The following KIAA0825 variants were observed in gnomAD, a reference collection of about 807,000 sequenced individuals.
The protein encoded by KIAA0825 is uncharacterized protein KIAA0825.
A neutral mutation model predicts 147.6 loss-of-function variants in KIAA0825; 119 were observed. The observed-to-expected ratio is 0.81, with a 90% CI of 0.69 to 0.94. The LOEUF is 0.94. Among genes scored for constraint, KIAA0825 ranks in the 40% least tolerant of loss-of-function variants. KIAA0825 has a pLI of 0.00. For synonymous variants in KIAA0825, 470 were observed against 518.1 expected (o/e 0.91, Z 1.26); for missense variants, 1,381 against 1,472.7 (o/e 0.94, Z 1.02).
intron 2 of KIAA0825, among the ~76,000 whole-genome samples, chr5:94,547,821 T>C (rs1774751520): frequency 1.3e-5 from 2 of 151,478 alleles, no homozygotes; most frequent in African/African-American, 2.4e-5. Flanking sequence ...CAGCAGACTT[T>C]GAAACCTTAC....
rs1761020482 is a variant in KIAA0825 at position 94,469,990 on chromosome 5, G to C, written c.1843C>G (p.His615Asp). Residue 615 changes from histidine (H) to aspartate (D), a missense_variant, in exon 10 of 21, where the codon CAC becomes GAC. Coordinates refer to ENST00000682413, the MANE Select transcript of KIAA0825 (RefSeq NM_001145678.3). ...TAAAAAGCTTTGTAGTCATCCCAGT[G>C]GTGGCTCTCAGCATCCTGTAAAATG... ...TSILQDAESH[H>D]WDDYKAFYEG... 3 of 1,551,482 alleles carry C rather than the reference G, an allele frequency of 1.9e-6. No individual in the cohort carries two copies.
intron 16 of KIAA0825, among the ~76,000 whole-genome samples, chr5:94,402,839 C>T (rs1751561245): frequency 6.7e-6 from 1 of 148,168 alleles, no homozygotes; most frequent in South Asian, 2.1e-4. Flanking sequence ...TTTAAATAAT[C>T]AAAAGATTCA....
intron 20 of KIAA0825, among the ~76,000 whole-genome samples, chr5:94,238,536 A>G (rs962409849): frequency 4.6e-5 from 7 of 152,146 alleles, no homozygotes; most frequent in African/African-American, 1.7e-4. Context: ...ATGTTCACTT[A>G]TGTTTTTCTA....
rs934590787 is a variant in KIAA0825 at position 94,386,358 on chromosome 5, T to A, written c.3503A>T (p.Lys1168Met). 6.4e-7 allele frequency: 1 copy of A among 1,551,326 alleles called. No individual in the cohort carries two copies. Residue 1168 changes from lysine to methionine, a missense_variant, in exon 19 of 21, where the codon AAG (lysine) becomes ATG (methionine). Coordinates refer to ENST00000682413, the MANE Select transcript of KIAA0825 (RefSeq NM_001145678.3). Reference sequence around the variant, plus strand: ...CTTTAAAGGTCGGATGGGTAATGGCTTTTCCTCTGAACTATTCATAGAAAA... The same window carrying A: ...CTTTAAAGGTCGGATGGGTAATGGCATTTCCTCTGAACTATTCATAGAAAA... ...QLFSMNSSEE[K>M]PLPIRPLKTT...
At chr5:94,602,130 A>C (rs1230180263) in intron 1 of KIAA0825, among the ~76,000 whole-genome samples, 1 of 152,154 alleles carries the variant, frequency 6.6e-6, no homozygotes, top group African/African-American at 2.4e-5. Context: ...CAGGCGGATC[A>C]TGAGGTCAGG....
chr5:94,540,244 G>A (rs1773015790), intron 2 of KIAA0825, among the ~76,000 whole-genome samples: 3 of 152,288 alleles, frequency 2.0e-5, no homozygotes, highest in South Asian at 4.1e-4. Context: ...AGTGAAGCTG[G>A]TATACTTTGT....
chr5:94,174,507 A>G (rs1768906832), intron 20 of KIAA0825, among the ~76,000 whole-genome samples: 1 of 152,178 alleles, frequency 6.6e-6, no homozygotes, highest in African/African-American at 2.4e-5. Context: ...CATGGCTTAA[A>G]GTGTAAAAAA....
intron 5 of KIAA0825, among the ~76,000 whole-genome samples, chr5:94,516,715 C>G (rs1317058998): frequency 3.4e-3 from 1 of 296 alleles, no homozygotes; most frequent in Non-Finnish European, 6.3e-3. Context: ...GGCGTGAACC[C>G]GGAAGTGGAG....
chr5:94,411,870 C>A (rs1331339898), intron 15 of KIAA0825, among the ~76,000 whole-genome samples: 2 of 151,978 alleles, frequency 1.3e-5, no homozygotes, highest in Non-Finnish European at 2.9e-5. Flanking sequence ...TCGCTTGAAC[C>A]TGGGAGATGG....
In KIAA0825 at chr5:94,464,883, T is replaced by C. The variant is rs1384487694; in HGVS notation, c.2049A>G (p.Arg683=). 1 of 1,550,824 alleles carries C rather than the reference T, an allele frequency of 6.4e-7. No homozygotes were observed. The highest frequency in any genetic ancestry group is 2.0e-5 in the Admixed American group (1 of 50,728). The stretch of plus-strand genomic sequence containing the variant: ...ACTTCAATTACCTTAACTGTGGAGT[T>C]CTTTTACGGCTGGGGTGGGCCCGAG... ...RYARAHPSRK[R]TPQLRLDVTT... is the part of the protein sequence containing the mutation. The change falls in exon 11 of 21, where the codon AGA becomes AGG. Residue 683 remains arginine, a synonymous_variant. Transcript: ENST00000682413.
intron 2 of KIAA0825, among the ~76,000 whole-genome samples, chr5:94,553,781 A>C (rs1048942114): frequency 1.3e-5 from 2 of 152,080 alleles, no homozygotes; most frequent in South Asian, 4.2e-4. Flanking sequence ...CAACCAAAAA[A>C]AAAAAACAAA....
intron 20 of KIAA0825, among the ~76,000 whole-genome samples, chr5:94,244,573 G>A (rs949553022): frequency 2.0e-5 from 3 of 152,164 alleles, no homozygotes; most frequent in African/African-American, 7.2e-5. Flanking sequence ...CTTGTCTCAA[G>A]CAATCCTCCC....
At chr5:94,309,861 A>C (rs543788773) in intron 20 of KIAA0825, among the ~76,000 whole-genome samples, 1 of 151,794 alleles carries the variant, frequency 6.6e-6, no homozygotes, top group African/African-American at 2.4e-5. Flanking sequence ...CTGTTTGTGG[A>C]CAGATATCCG....
At chr5:94,263,532 C>T (rs758048145) in intron 20 of KIAA0825, among the ~76,000 whole-genome samples, 9 of 152,122 alleles carry the variant, frequency 5.9e-5, no homozygotes, top group Admixed American at 3.3e-4. Flanking sequence ...ATCACCTGTA[C>T]GTGAATGACT....
At chr5:94,504,948 A>G (rs1765561249) in intron 5 of KIAA0825, among the ~76,000 whole-genome samples, 3 of 151,804 alleles carry the variant, frequency 2.0e-5, no homozygotes, top group Non-Finnish European at 4.4e-5. Context: ...GGGTTTCCCT[A>G]TGTTGGCCAG....
At chr5:94,231,848 A>C (rs1033261212) in intron 20 of KIAA0825, among the ~76,000 whole-genome samples, 1 of 152,122 alleles carries the variant, frequency 6.6e-6, no homozygotes, top group Non-Finnish European at 1.5e-5. Context: ...TAACATGATA[A>C]TGTAGAACAT....
intron 20 of KIAA0825, among the ~76,000 whole-genome samples, chr5:94,235,974 C>T (rs745750450): frequency 1.3e-5 from 2 of 152,202 alleles, no homozygotes; most frequent in Non-Finnish European, 2.9e-5. Flanking sequence ...AAACAATGCA[C>T]CTGGTCATCC....
Position 94,150,978 on chromosome 5 carries a change from A to G in KIAA0825, c.*3029T>C, listed in dbSNP as rs1766435720. ...ACATAAAAATACAATTAAGCAGAAC[A>G]CAGAAGGAAGATCATACTTTATAGG... On this transcript the variant is annotated 3_prime_UTR_variant, in exon 21 of 21. Transcript: ENST00000682413. Among the ~76,000 whole-genome samples the G allele has an allele frequency of 1.3e-5, 2 of 152,208 alleles. No homozygotes were observed. Among genetic ancestry groups the G allele is most frequent in the South Asian group, 2.1e-4 (1 of 4,830 alleles).
intron 10 of KIAA0825, among the ~76,000 whole-genome samples, chr5:94,469,751 T>C (rs964835114): frequency 1.3e-5 from 2 of 152,226 alleles, no homozygotes; most frequent in Non-Finnish European, 2.9e-5. Context: ...ATTTTTACTT[T>C]TAAGCAGAAG....
Sources: allele counts gnomAD v4.1 joint callset (sites outside exome capture counted in the v4.1 genomes callset), GRCh38; gene constraint gnomAD v4.1.1; transcripts MANE v1.5; gene names NCBI Gene and HGNC (gene_info 2026-07-23, HGNC 2026-07-21).